Variants in NFE2L1 observed in about 807,000 individuals in gnomAD.
The protein encoded by NFE2L1 is endoplasmic reticulum membrane sensor NFE2L1.
In NFE2L1, 18 loss-of-function variants were observed where a neutral mutation model predicts 61.6. The observed-to-expected ratio is 0.29, with a 90% CI of 0.20 to 0.43. NFE2L1 has a LOEUF of 0.43. Ranked by LOEUF, NFE2L1 falls within the 20% of genes least tolerant of loss-of-function variation. The pLI, the probability that NFE2L1 is intolerant of heterozygous loss-of-function variation, is 1.00. For missense variants in NFE2L1, 827 were observed against 973.5 expected (o/e 0.85, Z 2.00); for synonymous variants, 419 against 402.7 (o/e 1.04, Z -0.48).
chr17:48,050,525 C>T (rs982865960), intron 1 of NFE2L1, 82 bp from the exon 2 acceptor site: 6 of 400,672 alleles, frequency 1.5e-5, no homozygotes, highest in Admixed American at 4.2e-5. Context: ...TTTCTACCTT[C>T]TACTGTGAAG....
chr17:48,050,320 A>G (rs1482267753), intron 1 of NFE2L1, among the ~76,000 whole-genome samples: 1 of 152,094 alleles, frequency 6.6e-6, no homozygotes, highest in Admixed American at 6.5e-5. Flanking sequence ...CTCTACTAAA[A>G]ATACAAAAAT....
intron 1 of NFE2L1, chr17:48,049,157 G>A (rs1367071588): frequency 6.6e-6 from 1 of 152,234 alleles, no homozygotes; most frequent in East Asian, 1.9e-4. Flanking sequence ...GGAGAGGAGA[G>A]GCGGTATGTC....
At chr17:48,049,517 C>G (rs1461536712) in intron 1 of NFE2L1, among the ~76,000 whole-genome samples, 1 of 152,198 alleles carries the variant, frequency 6.6e-6, no homozygotes, top group Non-Finnish European at 1.5e-5. Context: ...CTCAGCCTCC[C>G]GAGTAGCTGG....
chr17:48,055,095 C>T, intron 2 of NFE2L1: 3 of 1,456,898 alleles, frequency 2.1e-6, no homozygotes, highest in Non-Finnish European at 1.8e-6. Flanking sequence ...TCTTTGCTGG[C>T]TGGTCACCGG....
At chr17:48,056,641 T>C in intron 3 of NFE2L1, 43 bp downstream of exon 3, 1 of 1,599,936 alleles carries the variant, frequency 6.3e-7, no homozygotes, top group Non-Finnish European at 8.5e-7. Context: ...TTGTCCCTAC[T>C]ACCCTGACAC....
In NFE2L1 at chr17:48,052,469, G is replaced by T. The variant is rs371153948; in HGVS notation, c.510+841G>T. Among the ~76,000 whole-genome samples the T allele has an allele frequency of 4.4e-4, 67 of 152,320 alleles. 2 individuals are homozygous for T. In the East Asian group the frequency reaches 0.012, roughly 28 times the overall value. On this transcript the variant is annotated intron_variant, in intron 2 of 5. Transcript: ENST00000362042. The stretch of plus-strand genomic sequence containing the variant: ...GAAAGAGGCCCACTGCACTCCCCTG[G>T]CCATTAGGGAAGGAGAAAGCCCGAT...
rs538932046 is a variant in NFE2L1 at position 48,060,707 on chromosome 17, T to G, written c.*1066T>G. The G allele has an allele frequency of 6.6e-6, 1 of 152,446 alleles. No homozygotes were observed. The highest frequency in any genetic ancestry group is 1.5e-5 in the Non-Finnish European group (1 of 68,046). The allele number at this position is 152,446 out of a possible 1,614,324, so 9.4% of individuals were successfully genotyped here. ...CAGGATTCAGCACAACACTGGGGAG[T>G]CACCCTTCCCTCGGGCCTCTGCCTA... On this transcript the variant is annotated 3_prime_UTR_variant, in exon 6 of 6. Transcript: ENST00000362042.
At chr17:48,053,877 G>C (rs1337843262) in intron 2 of NFE2L1, among the ~76,000 whole-genome samples, 1 of 152,148 alleles carries the variant, frequency 6.6e-6, no homozygotes, top group East Asian at 1.9e-4. Flanking sequence ...GGAGAATGCA[G>C]AGCACCTGTC....
rs1213704134 is a variant in NFE2L1, at chr17:48,059,138, T to C, written c.1816T>C (p.Phe606Leu). The change falls in exon 6 of 6, where the codon TTC (phenylalanine) becomes CTC (leucine). Residue 606 changes from phenylalanine (F) to leucine (L), a missense_variant. Physicochemically the swap from Phe to Leu is conservative, Grantham distance 22. Around this residue, in one of 3 missense-constraint regions of NFE2L1, gnomAD observed 667 missense variants for 748.4 expected, o/e 0.89. Transcript: ENST00000362042. This position sits in a 1 kb window ranked among gnomAD's most constrained non-coding sequence, Gnocchi z 6.1. ...AGGCAGCAAGGAGAAGCAGGCTGAC[T>C]TCCTGGACAAGCAGATGAGCCGGGA... ...KKGSKEKQADFLDKQMSRDEH... is the reference protein window; with the variant it reads ...KKGSKEKQADLLDKQMSRDEH... 2 of 1,613,736 alleles carry C rather than the reference T, an allele frequency of 1.2e-6. No homozygotes were observed. Among genetic ancestry groups the C allele is most frequent in the East Asian group, 4.5e-5 (2 of 44,876 alleles).
chr17:48,056,316 A>G, intron 2 of NFE2L1, 70 bp from the exon 3 acceptor site: 1 of 1,579,920 alleles, frequency 6.3e-7, no homozygotes, highest in Non-Finnish European at 8.7e-7. Context: ...ACTAGGAGGG[A>G]ACTCTGAGGG....
At chr17:48,049,863 T>G (rs554470853) in intron 1 of NFE2L1, among the ~76,000 whole-genome samples, 1 of 152,224 alleles carries the variant, frequency 6.6e-6, no homozygotes, top group Non-Finnish European at 1.5e-5. Context: ...ACAACTGTTA[T>G]GGGTGGTTTT....
At position 48,059,551 on chromosome 17, in the gene NFE2L1, CG is replaced by C; in HGVS notation, c.2233del (p.Asp745ThrfsTer122). 1 of 1,611,754 alleles carries C rather than the reference CG, an allele frequency of 6.2e-7. No homozygotes were observed. The highest frequency in any genetic ancestry group is 8.5e-7 in the Non-Finnish European group (1 of 1,178,324). ...CCAGTCAGTATGCGCTCCAGTACGC[CG>C]GGGACGGCAGTGTCCTCCTCATCCC... Reference protein sequence around the residue: ...SPSQYALQYAGDGSVLLIPRT... With the variant: ...SPSQYALQYAXDGSVLLIPRT... On this transcript the variant is annotated frameshift_variant, in exon 6 of 6. Transcript: ENST00000362042. LOFTEE classifies it high-confidence loss of function. The surrounding 1 kb of genome is among the most constrained non-coding windows in gnomAD (Gnocchi z 6.1).
At chr17:48,053,230 G>A (rs563508608) in intron 2 of NFE2L1, among the ~76,000 whole-genome samples, 8 of 152,268 alleles carry the variant, frequency 5.3e-5, no homozygotes, top group Admixed American at 2.6e-4. Flanking sequence ...TATTGGGTGG[G>A]TTGGGGCCGA....
intron 2 of NFE2L1, chr17:48,054,762 G>T: frequency 1.5e-6 from 2 of 1,301,744 alleles, no homozygotes; most frequent in Non-Finnish European, 9.8e-7. Context: ...AGCCTCTGCG[G>T]TGAGCTCAGG....
rs146057788 is a variant in NFE2L1, at chr17:48,059,629, C to T, written c.2307C>T (p.Asp769=). The part of the protein sequence containing the change: ...QARRQERKPK[D]RRK ...GGCGGCAGGAGAGGAAGCCAAAGGA[C>T]CGGAGAAAGTGAGCCTGGGGAAGAA... Residue 769 remains aspartate (D), a synonymous_variant, in exon 6 of 6, where the codon GAC becomes GAT. Coordinates refer to ENST00000362042, the MANE Select transcript of NFE2L1 (RefSeq NM_003204.3). This position sits in a 1 kb window ranked among gnomAD's most constrained non-coding sequence, Gnocchi z 6.1. 6 of 1,555,410 alleles carry T rather than the reference C, an allele frequency of 3.9e-6. No individual in the cohort carries two copies. Among genetic ancestry groups the T allele is most frequent in the East Asian group, 4.5e-5 (2 of 44,244 alleles).
chr17:48,059,847 C>G lies in NFE2L1; in HGVS notation c.*206C>G, dbSNP rs1334624053. 1.0e-5 allele frequency: 7 copies of G among 676,432 alleles called. No homozygotes were observed. Among genetic ancestry groups the G allele is most frequent in the Non-Finnish European group, 1.6e-5 (7 of 427,032 alleles). 41.9% of individuals were successfully genotyped at this position (676,432 alleles called of 1,614,324 possible). A position where few individuals can be genotyped will look rare whatever the true frequency, so the allele number is the denominator to read the frequency against. On this transcript the variant is annotated 3_prime_UTR_variant, in exon 6 of 6. Transcript: ENST00000362042. The surrounding 1 kb of genome is among the most constrained non-coding windows in gnomAD (Gnocchi z 6.1). Reference sequence around the variant, plus strand: ...CTCGGGTGGAGTGGAAGTGGCCAGACCATTTAGACGGACAGGGTCCTCACC... The same window carrying G: ...CTCGGGTGGAGTGGAAGTGGCCAGAGCATTTAGACGGACAGGGTCCTCACC...
rs902696890 is a variant in NFE2L1 at position 48,051,682 on chromosome 17, C to T, written c.510+54C>T. The T allele has an allele frequency of 4.5e-6, 7 of 1,556,316 alleles. No homozygotes were observed. The African/African-American group carries it at 5.5e-5, about 12-fold the overall frequency. On this transcript the variant is annotated intron_variant, in intron 2 of 5. Transcript: ENST00000362042. ...GCCTGGGGCTTGGGGGTGGGCTGGT[C>T]CCAAAGGATTGTGGTCAGAACACTG...
chr17:48,052,002 C>G (rs2037265053), intron 2 of NFE2L1, among the ~76,000 whole-genome samples: 1 of 152,096 alleles, frequency 6.6e-6, no homozygotes, highest in Non-Finnish European at 1.5e-5. Flanking sequence ...TTTTTGGACT[C>G]TTGTTTTGTA....
chr17:48,056,059 CTTCT>C (rs1392488968), intron 2 of NFE2L1: 1 of 300,690 alleles, frequency 3.3e-6, no homozygotes, highest in Non-Finnish European at 6.3e-6. Flanking sequence ...TGATGTTCCC[CTTCT>C]TTCTTATGTA....
Sources: allele counts gnomAD v4.1 joint callset (sites outside exome capture counted in the v4.1 genomes callset), GRCh38; gene constraint gnomAD v4.1.1; regional missense constraint gnomAD v4.1.1; non-coding constraint Gnocchi (gnomAD v3.1); transcripts MANE v1.5; gene names NCBI Gene and HGNC (gene_info 2026-07-23, HGNC 2026-07-21).